The following LHPP variants were observed in gnomAD, a reference collection of about 807,000 sequenced individuals.
LHPP encodes phospholysine phosphohistidine inorganic pyrophosphate phosphatase.
Under a neutral mutation model 30.3 loss-of-function variants are expected in LHPP, and 24 were observed. The ratio of observed to expected loss-of-function variants is 0.79; its 90% CI spans 0.57 to 1.11. The LOEUF (loss-of-function observed/expected upper bound fraction) is 1.11. Among genes scored for constraint, LHPP ranks in the 50% most tolerant of loss-of-function variants. LHPP has a pLI of 0.00. For missense variants in LHPP, 356 were observed against 367.2 expected, an observed-to-expected ratio of 0.97 and a Z score of 0.25; for synonymous variants, 150 against 157.1, an observed-to-expected ratio of 0.95 and a Z score of 0.34.
In LHPP at chr10:124,576,828, C is replaced by T. The variant is rs764510807; in HGVS notation, c.717-36436C>T. Among the ~76,000 whole-genome samples the T allele has an allele frequency of 1.7e-4, 26 of 151,024 alleles. No homozygotes were observed. The highest frequency in any genetic ancestry group is 1.7e-3 in the Admixed American group (25 of 15,004). ...CGTGCACCTGTCCTTCCGTAGCCCA[C>T]GATACCTCATCCAGCCCGGGCCCGT... On this transcript the variant is annotated intron_variant, in intron 6 of 6. Transcript: ENST00000368842. This position sits in a 1 kb window ranked among gnomAD's most constrained non-coding sequence, Gnocchi z 4.2.
intron 6 of LHPP, among the ~76,000 whole-genome samples, chr10:124,553,268 A>T (rs986526370): frequency 6.6e-6 from 1 of 152,180 alleles, no homozygotes; most frequent in African/African-American, 2.4e-5. Flanking sequence ...GAGAAAGAGA[A>T]CAAGAAATCC....
At chr10:124,486,594 C>T (rs1292192659) in intron 2 of LHPP, among the ~76,000 whole-genome samples, 2 of 152,258 alleles carry the variant, frequency 1.3e-5, no homozygotes, top group South Asian at 2.1e-4. Context: ...ACTTGATTCT[C>T]CCAGCGATGA....
chr10:124,481,373 C>CTTTTTT (rs34839158), intron 1 of LHPP, among the ~76,000 whole-genome samples: 6 of 85,028 alleles, frequency 7.1e-5, no homozygotes, highest in African/African-American at 8.9e-5. Context: ...TATCTGCCCC[C>CTTTTTT]TTTTTTTTTT....
Position 124,511,951 on chromosome 10 carries a change from G to T in LHPP, c.625-5229G>T, listed in dbSNP as rs545164382. ...TCCTACAACCTGGTTGGCCCCTTTT[G>T]CTTGTCAGAGCAAAGCTCAGAACCT... On this transcript the variant is annotated intron_variant, in intron 5 of 6. Transcript: ENST00000368842. Among the ~76,000 whole-genome samples, 42 of 152,120 alleles carry T rather than the reference G, an allele frequency of 2.8e-4. 1 individual carries two copies. In the South Asian group the frequency reaches 8.7e-3, roughly 32 times the overall value.
At chr10:124,475,903 C>T (rs1015369159) in intron 1 of LHPP, among the ~76,000 whole-genome samples, 15 of 152,144 alleles carry the variant, frequency 9.9e-5, no homozygotes, top group African/African-American at 3.1e-4. Flanking sequence ...ATGAGACACT[C>T]GGGCTGTGTG....
chr10:124,577,529 G>A (rs1225659622), intron 6 of LHPP, among the ~76,000 whole-genome samples: 1 of 152,182 alleles, frequency 6.6e-6, no homozygotes, highest in Non-Finnish European at 1.5e-5. Context: ...CAGGTGGACA[G>A]CCAGGTCCCT....
intron 6 of LHPP, among the ~76,000 whole-genome samples, chr10:124,522,594 T>C (rs1954635742): frequency 1.3e-5 from 2 of 152,166 alleles, no homozygotes; most frequent in Non-Finnish European, 2.9e-5. Flanking sequence ...CGGGTGCTTT[T>C]CCTGCACTTT....
At chr10:124,535,866 G>A (rs912258687) in intron 6 of LHPP, among the ~76,000 whole-genome samples, 3 of 152,262 alleles carry the variant, frequency 2.0e-5, no homozygotes, top group Non-Finnish European at 4.4e-5. Context: ...TCCTCAGGCC[G>A]TGGGCCCCTG....
chr10:124,554,701 G>T (rs972915880), intron 6 of LHPP, among the ~76,000 whole-genome samples: 8 of 152,200 alleles, frequency 5.3e-5, no homozygotes, highest in Non-Finnish European at 4.4e-5. Flanking sequence ...TCTGCACCTC[G>T]CTTACTCCTG....
At chr10:124,474,763 C>T (rs1168822570) in intron 1 of LHPP, among the ~76,000 whole-genome samples, 1 of 152,114 alleles carries the variant, frequency 6.6e-6, no homozygotes, top group Non-Finnish European at 1.5e-5. Context: ...GAGGAGGAGC[C>T]AGTCACCGGG....
intron 6 of LHPP, 78 bp from the exon 7 acceptor site, chr10:124,613,186 T>A (rs1949224227): frequency 8.9e-7 from 1 of 1,120,902 alleles, no homozygotes; most frequent in African/African-American, 1.5e-5. Flanking sequence ...CAGGCCCATG[T>A]TAGATGCTGG....
At chr10:124,470,569 A>G (rs371657015) in intron 1 of LHPP, among the ~76,000 whole-genome samples, 19 of 152,100 alleles carry the variant, frequency 1.2e-4, no homozygotes, top group African/African-American at 4.1e-4. Context: ...CTGGCACCCC[A>G]GTATCCCCTC....
intron 6 of LHPP, among the ~76,000 whole-genome samples, chr10:124,521,001 T>TC (rs1469594124): frequency 1.3e-5 from 2 of 152,262 alleles, no homozygotes; most frequent in Admixed American, 1.3e-4. Flanking sequence ...TAGAAAAGGT[T>TC]CGCTGGCTTC....
At chr10:124,521,845 G>A (rs894361192) in intron 6 of LHPP, among the ~76,000 whole-genome samples, 2 of 152,148 alleles carry the variant, frequency 1.3e-5, no homozygotes, top group East Asian at 1.9e-4. Flanking sequence ...TACGGAGCAC[G>A]CACACGTGCA....
chr10:124,498,532 G>A, intron 5 of LHPP: 1 of 1,405,806 alleles, frequency 7.1e-7, no homozygotes, highest in Non-Finnish European at 9.3e-7. Flanking sequence ...GACTATTTTG[G>A]GATAGATTGC....
chr10:124,576,359 A>T lies in LHPP; in HGVS notation c.717-36905A>T, dbSNP rs1176017586. ...TGGGGTGGCAGCAGGGCCAGACCCC[A>T]CTTCAGGGGTTGCCCCCAGGACCCC... is the stretch of plus-strand genomic sequence containing the variant. On this transcript the variant is annotated intron_variant, in intron 6 of 6. Transcript: ENST00000368842. The surrounding 1 kb of genome is among the most constrained non-coding windows in gnomAD (Gnocchi z 4.2). Among the ~76,000 whole-genome samples the T allele has an allele frequency of 1.3e-5, 2 of 152,010 alleles. No homozygotes were observed. Among genetic ancestry groups the T allele is most frequent in the African/African-American group, 4.8e-5 (2 of 41,370 alleles).
Position 124,501,463 on chromosome 10 carries a change from G to C in LHPP, c.624+3335G>C, listed in dbSNP as rs922243527. Among the ~76,000 whole-genome samples the C allele has an allele frequency of 1.6e-4, 24 of 151,510 alleles. 1 individual carries two copies. Among genetic ancestry groups the C allele is most frequent in the African/African-American group, 5.9e-4 (24 of 40,918 alleles). On this transcript the variant is annotated intron_variant, in intron 5 of 6. Coordinates refer to ENST00000368842, the MANE Select transcript of LHPP (RefSeq NM_022126.4). ...CTAAAAATACAAACATTAGCCAGAC[G>C]TGGTGGTGTGCACCTATAATCCTAG...
At chr10:124,606,841 C>T (rs907868411) in intron 6 of LHPP, among the ~76,000 whole-genome samples, 19 of 152,188 alleles carry the variant, frequency 1.2e-4, no homozygotes, top group South Asian at 6.2e-4. Context: ...GACACAGAAC[C>T]GTGGGGGCAG....
intron 5 of LHPP, among the ~76,000 whole-genome samples, chr10:124,506,998 G>C (rs1215920166): frequency 9.4e-5 from 3 of 31,882 alleles, no homozygotes; most frequent in Admixed American, 3.9e-4. Context: ...GGGGGGTAGG[G>C]AGGATTTCAG....
Sources: allele counts gnomAD v4.1 joint callset (sites outside exome capture counted in the v4.1 genomes callset), GRCh38; gene constraint gnomAD v4.1.1; non-coding constraint Gnocchi (gnomAD v3.1); transcripts MANE v1.5; gene names NCBI Gene and HGNC (gene_info 2026-07-23, HGNC 2026-07-21).